Variants in ADGRF1 observed in about 807,000 individuals in gnomAD.
The protein encoded by ADGRF1 is G protein-coupled receptor 110.
ADGRF1 carries 85 observed loss-of-function variants against 87.2 expected under a neutral mutation model. The observed-to-expected ratio is 0.97, with a 90% CI of 0.82 to 1.17. The LOEUF is 1.17. Ranked by LOEUF, ADGRF1 falls within the 50% of genes most tolerant of loss-of-function variation. The probability of loss-of-function intolerance (pLI) is 0.00; values close to 1 mark genes in which losing one functional copy is unlikely to be tolerated. For missense variants in ADGRF1, 1,169 were observed against 1,077.2 expected (o/e 1.09, Z -1.19); for synonymous variants, 430 against 408.8 (o/e 1.05, Z -0.63).
At chr6:47,036,519 T>A (rs1197307800) in intron 1 of ADGRF1, among the ~76,000 whole-genome samples, 1 of 152,216 alleles carries the variant, frequency 6.6e-6, no homozygotes, top group Non-Finnish European at 1.5e-5. Context: ...GGAAAACCCC[T>A]GCAGAACAGG....
chr6:47,036,162 G>A lies in ADGRF1; in HGVS notation c.-44+6029C>T, dbSNP rs148521053. Among the ~76,000 whole-genome samples, 217 of 152,200 alleles carry A rather than the reference G, an allele frequency of 1.4e-3. 3 individuals carry two copies. Among genetic ancestry groups the A allele is most frequent in the Middle Eastern group, 6.8e-3 (2 of 294 alleles). ...GGAAAGTCACCTGAGCCCTGGAGGC[G>A]GAGGTTGCAGTGAGCCAAGATCGCG... is the stretch of plus-strand genomic sequence containing the variant. On this transcript the variant is annotated intron_variant, in intron 1 of 14. Coordinates refer to ENST00000371253, the MANE Select transcript of ADGRF1 (RefSeq NM_153840.4).
chr6:47,018,653 T>G (rs1340425686), intron 7 of ADGRF1: 1 of 1,254,096 alleles, frequency 8.0e-7, no homozygotes, highest in Non-Finnish European at 1.0e-6. Context: ...GACTCATGCC[T>G]GTAATCCCAG....
intron 7 of ADGRF1, chr6:47,017,522 G>T (rs1779919108): frequency 6.6e-6 from 1 of 151,978 alleles, no homozygotes; most frequent in Non-Finnish European, 1.5e-5. Flanking sequence ...GAGAAGATTT[G>T]GGATGTGAAA....
chr6:47,030,993 C>T (rs1436200962), intron 1 of ADGRF1, among the ~76,000 whole-genome samples: 2 of 152,132 alleles, frequency 1.3e-5, no homozygotes, highest in Admixed American at 6.5e-5. Flanking sequence ...AAACTCCAGA[C>T]CTCAAGTGAT....
rs45511696 is a variant in ADGRF1, at chr6:47,009,188, G to A, written c.2247C>T (p.Val749=). The part of the protein sequence containing the change: ...NGSKPLLAFV[V]PALAIVAVNF... ...TCACAGCCACAATAGCCAGTGCAGG[G>A]ACAACAAAAGCCAGGAGTGGTTTGC... Residue 749 remains valine, a synonymous_variant, in exon 11 of 15, where the codon GTC becomes GTT. Coordinates refer to ENST00000371253, the MANE Select transcript of ADGRF1 (RefSeq NM_153840.4). The A allele has an allele frequency of 0.038, 61,954 of 1,614,116 alleles. 1,380 individuals carry two copies. Among genetic ancestry groups the A allele is most frequent in the African/African-American group, 0.084 (6,317 of 75,020 alleles).
intron 10 of ADGRF1, among the ~76,000 whole-genome samples, chr6:47,011,224 G>A (rs971590278): frequency 2.0e-5 from 3 of 152,046 alleles, no homozygotes; most frequent in African/African-American, 4.8e-5. Context: ...AAAACAAATT[G>A]GAGTATCTTT....
At chr6:47,032,994 A>G (rs377538106) in intron 1 of ADGRF1, among the ~76,000 whole-genome samples, 19 of 152,366 alleles carry the variant, frequency 1.2e-4, no homozygotes, top group African/African-American at 4.1e-4. Flanking sequence ...CTTCGCCTTT[A>G]GTAAACATAA....
chr6:47,004,807 A>C (rs1288376940), intron 13 of ADGRF1, among the ~76,000 whole-genome samples: 1 of 152,212 alleles, frequency 6.6e-6, no homozygotes, highest in Non-Finnish European at 1.5e-5. Context: ...ACAGTTGAGA[A>C]AATTAAAACT....
At position 47,029,064 on chromosome 6, in the gene ADGRF1, T is replaced by C; in HGVS notation, c.-3A>G. The C allele has an allele frequency of 1.2e-6, 2 of 1,613,796 alleles. No homozygotes were observed. On this transcript the variant is annotated 5_prime_UTR_variant, in exon 2 of 15. Transcript: ENST00000371253. Reference sequence around the variant, plus strand: ...AGCCACAGCACTCCAACTTTCATTTTCCCTGGACTGAACAGCAGCAGTCGG... The same window carrying C: ...AGCCACAGCACTCCAACTTTCATTTCCCCTGGACTGAACAGCAGCAGTCGG...
chr6:47,025,792 C>A, intron 4 of ADGRF1, 62 bp downstream of exon 4: 1 of 1,446,848 alleles, frequency 6.9e-7, no homozygotes, highest in Non-Finnish European at 9.3e-7. Context: ...ATAACCCAAC[C>A]TAGCCTGACT....
Position 47,009,867 on chromosome 6 carries a change from G to GA in ADGRF1, c.1567dup (p.Ser523PhefsTer32), listed in dbSNP as rs987850677. ...CTGGCTCAGGTTTGACTCTATCTTG[G>GA]AAAAAAATAGGAAAACTTCATTTAT... is the stretch of plus-strand genomic sequence containing the variant. On this transcript the variant is annotated frameshift_variant, in exon 11 of 15. Coordinates refer to ENST00000371253, the MANE Select transcript of ADGRF1 (RefSeq NM_153840.4). LOFTEE classifies it high-confidence loss of function. 3 of 1,613,770 alleles carry GA rather than the reference G, an allele frequency of 1.9e-6. No homozygotes were observed. Among genetic ancestry groups the GA allele is most frequent in the Non-Finnish European group, 1.7e-6 (2 of 1,179,820 alleles).
At position 47,009,169 on chromosome 6, in the gene ADGRF1, C is replaced by T. The variant is rs1030553158; in HGVS notation, c.2266G>A (p.Ala756Thr). 1.2e-6 allele frequency: 2 copies of T among 1,614,176 alleles called. No individual in the cohort carries two copies. The highest frequency in any genetic ancestry group is 1.3e-5 in the African/African-American group (1 of 75,048). The change falls in exon 11 of 15, where the codon GCT becomes ACT. Residue 756 changes from alanine to threonine, a missense_variant. Physicochemically the swap from Ala to Thr is moderately conservative, Grantham distance 58. Transcript: ENST00000371253. ...AGCAGCACCACAACGAAGTTCACAGCCACAATAGCCAGTGCAGGGACAACA... is the reference window on the plus strand; with the variant it reads ...AGCAGCACCACAACGAAGTTCACAGTCACAATAGCCAGTGCAGGGACAACA... ...AFVVPALAIV[A>T]VNFVVVLLVL...
At chr6:47,022,137 C>A in intron 5 of ADGRF1, 79 bp from the exon 6 acceptor site, 2 of 809,702 alleles carry the variant, frequency 2.5e-6, no homozygotes, top group Non-Finnish European at 4.0e-6. Context: ...TATAGAAGTA[C>A]AATTCAGAGT....
intron 3 of ADGRF1, among the ~76,000 whole-genome samples, chr6:47,027,304 C>G (rs1780265276): frequency 6.6e-6 from 1 of 152,210 alleles, no homozygotes; most frequent in Non-Finnish European, 1.5e-5. Context: ...CTATTGTAGA[C>G]TGACCCGGGA....
At chr6:47,033,565 G>C (rs894414909) in intron 1 of ADGRF1, among the ~76,000 whole-genome samples, 4 of 152,256 alleles carry the variant, frequency 2.6e-5, no homozygotes, top group East Asian at 3.8e-4. Context: ...ATTCCCAGTA[G>C]AGCTGTCTCT....
At chr6:47,001,457 C>G in intron 14 of ADGRF1, 44 bp downstream of exon 14, 1 of 1,512,294 alleles carries the variant, frequency 6.6e-7, no homozygotes, top group Non-Finnish European at 9.2e-7. Context: ...TACTCATATA[C>G]TCTTTTCACA....
intron 9 of ADGRF1, chr6:47,014,071 G>C (rs1779787777): frequency 5.8e-6 from 1 of 171,078 alleles, no homozygotes; most frequent in Admixed American, 6.5e-5. Flanking sequence ...AACAATGTGA[G>C]AACAGACTAA....
intron 4 of ADGRF1, among the ~76,000 whole-genome samples, chr6:47,024,969 C>A (rs1024147277): frequency 3.9e-5 from 6 of 152,190 alleles, no homozygotes; most frequent in Non-Finnish European, 8.8e-5. Context: ...TATTTGACCA[C>A]CATCTCATTG....
intron 10 of ADGRF1, among the ~76,000 whole-genome samples, chr6:47,011,250 G>T (rs1387271488): frequency 6.6e-6 from 1 of 152,104 alleles, no homozygotes. Context: ...AACTCAGGGA[G>T]TTTAACTTAC....
Sources: gnomAD v4.1 joint callset for allele counts (sites outside exome capture counted in the v4.1 genomes callset) on GRCh38, gnomAD v4.1.1 for gene constraint, MANE v1.5 for transcripts, NCBI Gene and HGNC (gene_info 2026-07-23, HGNC 2026-07-21) for gene names.